PHTF1: variants seen among roughly 807,000 people sequenced by gnomAD.
PHTF1 encodes protein PHTF1.
A neutral mutation model predicts 102.4 loss-of-function variants in PHTF1; 88 were observed. The observed-to-expected ratio is 0.86, with a 90% CI of 0.72 to 1.03. The LOEUF (loss-of-function observed/expected upper bound fraction) is 1.03, where lower values mean the gene tolerates loss of function less well. Ranked by LOEUF, PHTF1 falls within the 50% of genes least tolerant of loss-of-function variation. PHTF1 has a pLI of 0.00. For synonymous variants in PHTF1, 289 were observed against 305.2 expected, an observed-to-expected ratio of 0.95 and a Z score of 0.55; for missense variants, 814 against 909.5, an observed-to-expected ratio of 0.89 and a Z score of 1.35.
chr1:113,699,171 GA>G (rs1649167182), intron 17 of PHTF1: 2 of 191,044 alleles, frequency 1.0e-5, no homozygotes, highest in Non-Finnish European at 1.1e-5. Flanking sequence ...TGGAGGCAGG[GA>G]TGAGGCCACC....
intron 6 of PHTF1, 61 bp from the exon 7 acceptor site, chr1:113,724,954 A>G: frequency 8.4e-7 from 1 of 1,197,534 alleles, no homozygotes; most frequent in South Asian, 1.4e-5. Context: ...TCTGCCAAAA[A>G]TATCCCTACA....
chr1:113,698,169 ACACAC>A, intron 18 of PHTF1, 88 bp downstream of exon 18: 1 of 860,700 alleles, frequency 1.2e-6, no homozygotes, highest in Non-Finnish European at 1.8e-6. Context: ...ACACACACAC[ACACAC>A]ACACACACAC....
intron 16 of PHTF1, 148 bp from the exon 17 acceptor site, chr1:113,699,947 G>GC: frequency 1.5e-6 from 1 of 662,614 alleles, no homozygotes; most frequent in East Asian, 3.1e-5. Flanking sequence ...TATGTCATGT[G>GC]CTCTAGCCCC....
chr1:113,703,169 C>T (rs1433572047), intron 15 of PHTF1, among the ~76,000 whole-genome samples: 1 of 152,156 alleles, frequency 6.6e-6, no homozygotes, highest in Admixed American at 6.5e-5. Flanking sequence ...GGTAATTTGA[C>T]ACATAAAGGA....
At chr1:113,737,459 A>G (rs1484499910) in intron 5 of PHTF1, among the ~76,000 whole-genome samples, 2 of 152,326 alleles carry the variant, frequency 1.3e-5, no homozygotes, top group East Asian at 1.9e-4. Context: ...CTGTATATCA[A>G]TTGTATTTAA....
Position 113,723,460 on chromosome 1 carries a change from G to A in PHTF1, c.623+1299C>T, listed in dbSNP as rs139255344. 5.2e-3 allele frequency among the ~76,000 whole-genome samples: 786 copies of A among 152,316 alleles called. 2 individuals carry two copies. Among genetic ancestry groups the A allele is most frequent in the Non-Finnish European group, 9.2e-3 (625 of 68,018 alleles). On this transcript the variant is annotated intron_variant, in intron 7 of 18. Transcript: ENST00000369604. ...CCCAAAGTGCTGGGATTACAGGCAT[G>A]AGCCACTGTGCCCGGCCAACAGTGA... is the stretch of plus-strand genomic sequence containing the variant.
At chr1:113,709,524 C>A (rs1650734729) in intron 11 of PHTF1, among the ~76,000 whole-genome samples, 1 of 152,134 alleles carries the variant, frequency 6.6e-6, no homozygotes, top group African/African-American at 2.4e-5. Flanking sequence ...TTCAATCTAT[C>A]CAGAAGTGGA....
chr1:113,719,295 G>T (rs917379051), intron 7 of PHTF1, among the ~76,000 whole-genome samples: 4 of 152,010 alleles, frequency 2.6e-5, no homozygotes, highest in African/African-American at 9.7e-5. Context: ...GAGCCACCAC[G>T]CCTGGCCTGG....
chr1:113,753,680 G>C (rs932225315), intron 3 of PHTF1, among the ~76,000 whole-genome samples: 1 of 151,388 alleles, frequency 6.6e-6, no homozygotes, highest in African/African-American at 2.4e-5. Flanking sequence ...TGCCTGCCTC[G>C]GCCTCCCTGC....
intron 3 of PHTF1, among the ~76,000 whole-genome samples, chr1:113,742,475 T>C (rs1216490290): frequency 6.6e-6 from 1 of 151,816 alleles, no homozygotes; most frequent in East Asian, 1.9e-4. Flanking sequence ...AAATACAAAA[T>C]TAGCCAGGCG....
At position 113,698,327 on chromosome 1, in the gene PHTF1, T is replaced by C. The variant is rs766180012; in HGVS notation, c.2203A>G (p.Thr735Ala). 3.7e-6 allele frequency: 6 copies of C among 1,607,524 alleles called. No individual in the cohort carries two copies. The highest frequency in any genetic ancestry group is 5.1e-6 in the Non-Finnish European group (6 of 1,174,150). Residue 735 changes from threonine (T) to alanine (A), a missense_variant, in exon 18 of 19, where the codon ACA becomes GCA. Coordinates refer to ENST00000369604, the MANE Select transcript of PHTF1 (RefSeq NM_001323043.2). The stretch of plus-strand genomic sequence containing the variant: ...ACAGCAGAAAGGATAACTACTCTTG[T>C]GATATTGTAGATTAAGGGATTCATT... ...LTMNPLIYNITRVVILSAVSG... is the reference protein window; with the variant it reads ...LTMNPLIYNIARVVILSAVSG...
intron 5 of PHTF1, among the ~76,000 whole-genome samples, chr1:113,730,423 A>C (rs1654467499): frequency 6.6e-6 from 1 of 152,240 alleles, no homozygotes; most frequent in Admixed American, 6.5e-5. Flanking sequence ...ATCAGGAACA[A>C]AACAAGGATG....
At chr1:113,730,433 G>T (rs1183331142) in intron 5 of PHTF1, among the ~76,000 whole-genome samples, 1 of 152,148 alleles carries the variant, frequency 6.6e-6, no homozygotes, top group East Asian at 1.9e-4. Context: ...AAACAAGGAT[G>T]ACCACTCACT....
At chr1:113,758,799 G>C in intron 1 of PHTF1, 66 bp from the exon 2 acceptor site, 1 of 1,518,578 alleles carries the variant, frequency 6.6e-7, no homozygotes, top group East Asian at 2.5e-5. Flanking sequence ...GTTTGGGTAG[G>C]ACGCGAAAAC....
rs79904100 is a variant in PHTF1 at position 113,724,780 on chromosome 1, C to A, written c.602G>T (p.Trp201Leu). ...LESVPIIGGF[W>L]ETIFGNRIKR... is the part of the protein sequence containing the mutation. ...CCACCTGTTGCCAAAGATAGTCTCC[C>A]AAAAACCACCAATAATGGGTACAGA... The change falls in exon 7 of 19, where the codon TGG becomes TTG. Residue 201 changes from tryptophan (W) to leucine (L), a missense_variant. Coordinates refer to ENST00000369604, the MANE Select transcript of PHTF1 (RefSeq NM_001323043.2). The A allele has an allele frequency of 6.2e-7, 1 of 1,601,790 alleles. No individual in the cohort carries two copies. The highest frequency in any genetic ancestry group is 8.5e-7 in the Non-Finnish European group (1 of 1,176,448).
At chr1:113,701,826 TAAAAAAAAAAAAAAAAAAAAAAAAAA>T (rs34844793) in intron 15 of PHTF1, among the ~76,000 whole-genome samples, 6 of 27,986 alleles carry the variant, frequency 2.1e-4, no homozygotes, top group Non-Finnish European at 3.9e-4. Context: ...CAATTCCTGG[TAAAAAAAAAAAAAAAAAAAAAAAAAA>T]AAAAAAATCA....
At chr1:113,738,693 TATA>T in intron 4 of PHTF1, 34 bp downstream of exon 4, 2 of 1,205,012 alleles carry the variant, frequency 1.7e-6, no homozygotes, top group Non-Finnish European at 2.4e-6. Context: ...TGTGAAATAA[TATA>T]ATAATGTACA....
At position 113,738,222 on chromosome 1, in the gene PHTF1, C is replaced by G; in HGVS notation, c.219G>C (p.Leu73=). 2 of 1,613,878 alleles carry G rather than the reference C, an allele frequency of 1.2e-6. No individual in the cohort carries two copies. Among genetic ancestry groups the G allele is most frequent in the Non-Finnish European group, 1.7e-6 (2 of 1,179,798 alleles). The change falls in exon 5 of 19, where the codon CTG becomes CTC. Residue 73 remains leucine (L), a synonymous_variant. Coordinates refer to ENST00000369604, the MANE Select transcript of PHTF1 (RefSeq NM_001323043.2). ...CAACTCGAACAAGCCCCTTCCGAGTCAGAGATGTCCATGGAATTTCAGGTT... is the reference window on the plus strand; with the variant it reads ...CAACTCGAACAAGCCCCTTCCGAGTGAGAGATGTCCATGGAATTTCAGGTT... ...KAKPEIPWTS[L]TRKGLVRVVF...
chr1:113,741,964 G>C (rs1656434953), intron 3 of PHTF1, among the ~76,000 whole-genome samples: 2 of 152,124 alleles, frequency 1.3e-5, no homozygotes, highest in Admixed American at 1.3e-4. Context: ...CACTGAGGGA[G>C]AGTAAAAAAC....
Sources: gnomAD v4.1 joint callset for allele counts (sites outside exome capture counted in the v4.1 genomes callset) on GRCh38, gnomAD v4.1.1 for gene constraint, MANE v1.5 for transcripts, NCBI Gene and HGNC (gene_info 2026-07-23, HGNC 2026-07-21) for gene names.